Variants in ZC3H7B observed in about 807,000 individuals in gnomAD.
ZC3H7B encodes the protein zinc finger CCCH domain-containing protein 7B.
Under a neutral mutation model 116.0 loss-of-function variants are expected in ZC3H7B, and 35 were observed. The observed-to-expected ratio is 0.30, with a 90% CI of 0.23 to 0.40. ZC3H7B has a LOEUF of 0.40. ZC3H7B is among the 10% of genes least tolerant of loss of function. The pLI, the probability that ZC3H7B is intolerant of heterozygous loss-of-function variation, is 1.00. For synonymous variants in ZC3H7B, 502 were observed against 545.6 expected (o/e 0.92, Z 1.11); for missense variants, 1,011 against 1,321.5 (o/e 0.77, Z 3.64).
rs540620646 is a variant in ZC3H7B, at chr22:41,357,423, G to A, written c.2928G>A (p.Gly976=). The part of the protein sequence containing the change: ...APAAAATATT[G]E ...CTGCTGCTGCCACCGCCACCACTGG[G>A]GAGTAGGGCCAGGTGTTGGCCGTGG... is the stretch of plus-strand genomic sequence containing the variant. The change falls in exon 23 of 23, where the codon GGG becomes GGA. Residue 976 remains glycine, a synonymous_variant. Transcript: ENST00000352645. This position sits in a 1 kb window ranked among gnomAD's most constrained non-coding sequence, Gnocchi z 5.4. 63 of 1,612,776 alleles carry A rather than the reference G, an allele frequency of 3.9e-5. No homozygotes were observed. The South Asian group carries it at 6.9e-4, about 18-fold the overall frequency.
chr22:41,325,741 GCA>G lies in ZC3H7B; in HGVS notation c.109_110del (p.Gln37GlufsTer5). On this transcript the variant is annotated frameshift_variant, in exon 4 of 23. Coordinates refer to ENST00000352645, the MANE Select transcript of ZC3H7B (RefSeq NM_017590.6). LOFTEE classifies it high-confidence loss of function. ...EYEAFLLKLV[Q>X]NLFAEGNDLF... ...AACAGGCCTTTCTGCTCAAGCTGGT[GCA>G]GAATCTGTTTGCTGAGGGCAATGAT... The G allele has an allele frequency of 4.3e-6, 7 of 1,613,748 alleles. No individual in the cohort carries two copies. The highest frequency in any genetic ancestry group is 5.9e-6 in the Non-Finnish European group (7 of 1,179,892).
At chr22:41,332,326 G>A in intron 7 of ZC3H7B, 99 bp downstream of exon 7, 1 of 1,439,606 alleles carries the variant, frequency 6.9e-7, no homozygotes. Flanking sequence ...GTGGGTCCAG[G>A]GGCCTCCGCC....
At position 41,356,344 on chromosome 22, in the gene ZC3H7B, C is replaced by A; in HGVS notation, c.2385C>A (p.Ile795=). 5.0e-6 allele frequency: 8 copies of A among 1,614,076 alleles called. No individual in the cohort carries two copies. Among genetic ancestry groups the A allele is most frequent in the Non-Finnish European group, 6.8e-6 (8 of 1,180,010 alleles). The change falls in exon 21 of 23, where the codon ATC becomes ATA. Residue 795 remains isoleucine (I), a splice_region_variant and synonymous_variant. Transcript: ENST00000352645. Reference sequence around the variant, plus strand: ...GCCCTGTCCCTGTCCCCTGCCCAGTCCTGGACATGCAGCAGACCTATGACA... The same window carrying A: ...GCCCTGTCCCTGTCCCCTGCCCAGTACTGGACATGCAGCAGACCTATGACA... The part of the protein sequence containing the change: ...DMWTFMKENK[I]LDMQQTYDMW...
chr22:41,339,716 C>G, intron 9 of ZC3H7B, 100 bp from the exon 10 acceptor site: 1 of 1,139,576 alleles, frequency 8.8e-7, no homozygotes, highest in Admixed American at 2.4e-5. Context: ...TGAAGCCAGG[C>G]GACAGGGTGC....
At chr22:41,332,032 G>A in intron 6 of ZC3H7B, 139 bp from the exon 7 acceptor site, 1 of 837,864 alleles carries the variant, frequency 1.2e-6, no homozygotes, top group Non-Finnish European at 1.9e-6. Context: ...ATTTCCGGCA[G>A]GCCTGGGGAC....
At chr22:41,309,562 A>C (rs1401959346) in intron 1 of ZC3H7B, among the ~76,000 whole-genome samples, 1 of 151,434 alleles carries the variant, frequency 6.6e-6, no homozygotes, top group Non-Finnish European at 1.5e-5. Context: ...TGATCTGCCC[A>C]CCTCAGCCTC....
At chr22:41,330,858 C>CTTTTT (rs1162413000) in intron 6 of ZC3H7B, among the ~76,000 whole-genome samples, 5 of 128,658 alleles carry the variant, frequency 3.9e-5, no homozygotes, top group Admixed American at 8.0e-5. Flanking sequence ...AGGAGAATCA[C>CTTTTT]TTTTTTTTTT....
At chr22:41,344,493 A>T (rs998534241) in intron 13 of ZC3H7B, among the ~76,000 whole-genome samples, 3 of 152,088 alleles carry the variant, frequency 2.0e-5, no homozygotes, top group Non-Finnish European at 4.4e-5. Context: ...ATTCCGTCAC[A>T]CACGCTGTGC....
chr22:41,313,943 C>T (rs2036149533), intron 1 of ZC3H7B, among the ~76,000 whole-genome samples: 3 of 150,950 alleles, frequency 2.0e-5, no homozygotes, highest in East Asian at 2.0e-4. Context: ...TTTGTAGGGA[C>T]GGGTTTTCAC....
intron 2 of ZC3H7B, among the ~76,000 whole-genome samples, chr22:41,324,760 G>A (rs1480307301): frequency 1.3e-5 from 2 of 152,174 alleles, no homozygotes; most frequent in Admixed American, 6.5e-5. Flanking sequence ...GCAGGGGAGG[G>A]GCCTGAGGTG....
intron 7 of ZC3H7B, chr22:41,336,215 A>T (rs2036444911): frequency 1.3e-5 from 2 of 152,298 alleles, no homozygotes; most frequent in Admixed American, 1.3e-4. Context: ...TCCCAGCCCA[A>T]CTTCCAGAAA....
chr22:41,339,483 G>A (rs1392631982), intron 9 of ZC3H7B, among the ~76,000 whole-genome samples: 1 of 152,158 alleles, frequency 6.6e-6, no homozygotes, highest in African/African-American at 2.4e-5. Flanking sequence ...AAAATTAGCC[G>A]GGCATGGTGG....
intron 18 of ZC3H7B, 66 bp from the exon 19 acceptor site, chr22:41,355,691 T>C (rs935214026): frequency 4.3e-6 from 7 of 1,611,324 alleles, no homozygotes; most frequent in Non-Finnish European, 5.9e-6. Context: ...GCCAGGGCTC[T>C]CCACAGAGGT....
chr22:41,354,958 T>C (rs930868917), intron 17 of ZC3H7B, among the ~76,000 whole-genome samples: 13 of 152,102 alleles, frequency 8.5e-5, no homozygotes, highest in Admixed American at 1.3e-4. Flanking sequence ...GACCCCCCGC[T>C]CTACAGGTTC....
Position 41,346,198 on chromosome 22 carries a change from T to A in ZC3H7B, c.1655T>A (p.Phe552Tyr). Reference sequence around the variant, plus strand: ...AAGGAGCACCAGGGCATCTTCACCTTCCTCTGCGAGGTACTGCCCACCCAC... The same window carrying A: ...AAGGAGCACCAGGGCATCTTCACCTACCTCTGCGAGGTACTGCCCACCCAC... ...LLKEHQGIFT[F>Y]LCEICFDSKP... The change falls in exon 14 of 23, where the codon TTC (phenylalanine) becomes TAC (tyrosine). Residue 552 changes from phenylalanine (F) to tyrosine (Y), a missense_variant. Physicochemically the swap from Phe to Tyr is conservative, Grantham distance 22 (BLOSUM62 3). This residue lies in a region of ZC3H7B where 406 missense variants were observed against 590.2 expected (regional missense o/e 0.69). Coordinates refer to ENST00000352645, the MANE Select transcript of ZC3H7B (RefSeq NM_017590.6). The surrounding 1 kb of genome is among the most constrained non-coding windows in gnomAD (Gnocchi z 5.3). 6.2e-7 allele frequency: 1 copy of A among 1,610,280 alleles called. No individual in the cohort carries two copies. The highest frequency in any genetic ancestry group is 2.2e-5 in the East Asian group (1 of 44,870).
chr22:41,354,276 G>A (rs543093588), intron 17 of ZC3H7B, among the ~76,000 whole-genome samples: 1 of 152,342 alleles, frequency 6.6e-6, no homozygotes, highest in East Asian at 1.9e-4. Context: ...ACACCCAGAA[G>A]TCAGTAGCCA....
chr22:41,355,387 C>T, intron 17 of ZC3H7B, 82 bp from the exon 18 acceptor site: 1 of 1,559,262 alleles, frequency 6.4e-7, no homozygotes, highest in East Asian at 2.3e-5. Flanking sequence ...AAGGCTCTCC[C>T]AGAGGACACC....
intron 1 of ZC3H7B, among the ~76,000 whole-genome samples, chr22:41,317,630 A>T (rs950198211): frequency 2.0e-5 from 3 of 152,040 alleles, no homozygotes; most frequent in Non-Finnish European, 4.4e-5. Context: ...TCTCTAAAAA[A>T]AAAATAAAAT....
At chr22:41,315,026 C>T (rs1005267897) in intron 1 of ZC3H7B, among the ~76,000 whole-genome samples, 2 of 151,464 alleles carry the variant, frequency 1.3e-5, no homozygotes, top group Non-Finnish European at 2.9e-5. Context: ...CTTCTTGCTC[C>T]TCCACCAGGT....
Sources: allele counts gnomAD v4.1 joint callset (sites outside exome capture counted in the v4.1 genomes callset), GRCh38; gene constraint gnomAD v4.1.1; regional missense constraint gnomAD v4.1.1; non-coding constraint Gnocchi (gnomAD v3.1); transcripts MANE v1.5; gene names NCBI Gene and HGNC (gene_info 2026-07-23, HGNC 2026-07-21).